Variants in PDAP1 observed in about 807,000 individuals in gnomAD.
PDAP1 encodes PDGFA associated protein 1, also known as 28 kDa heat- and acid-stable phosphoprotein.
Under a neutral mutation model 28.0 loss-of-function variants are expected in PDAP1, and 13 were observed. The observed-to-expected ratio is 0.46, with a 90% CI of 0.30 to 0.74. The LOEUF is 0.74. Among genes scored for constraint, PDAP1 ranks in the 30% least tolerant of loss-of-function variants. The probability of loss-of-function intolerance (pLI) is 0.07; values close to 1 mark genes in which losing one functional copy is unlikely to be tolerated. For synonymous variants in PDAP1, 77 were observed against 85.1 expected, an observed-to-expected ratio of 0.91 and a Z score of 0.52; for missense variants, 150 against 230.0, an observed-to-expected ratio of 0.65 and a Z score of 2.25.
intron 2 of PDAP1, among the ~76,000 whole-genome samples, chr7:99,403,791 C>T (rs1170143088): frequency 5.3e-5 from 8 of 152,190 alleles, no homozygotes; most frequent in African/African-American, 1.9e-4. Context: ...ACGCAGCCAC[C>T]TCAGCAGCCA....
chr7:99,398,494 C>A (rs565471019), intron 4 of PDAP1, among the ~76,000 whole-genome samples: 9 of 152,316 alleles, frequency 5.9e-5, no homozygotes, highest in African/African-American at 2.2e-4. Context: ...AAGTTTGAGA[C>A]CTGCCTGGGC....
At chr7:99,402,878 C>CAAAAAAAAAAAAAAAA (rs543294031) in intron 3 of PDAP1, among the ~76,000 whole-genome samples, 4 of 72,076 alleles carry the variant, frequency 5.5e-5, no homozygotes, top group African/African-American at 1.8e-4. Context: ...CACTTCATCT[C>CAAAAAAAAAAAAAAAA]AAAAAAAAAA....
chr7:99,404,044 G>A (rs1794925542), intron 2 of PDAP1, among the ~76,000 whole-genome samples: 1 of 152,050 alleles, frequency 6.6e-6, no homozygotes, highest in Admixed American at 6.6e-5. Context: ...CACCTTTCTT[G>A]CCTTCCCACC....
chr7:99,405,062 C>T, intron 1 of PDAP1, 109 bp from the exon 2 acceptor site: 2 of 743,460 alleles, frequency 2.7e-6, no homozygotes, highest in Non-Finnish European at 4.5e-6. Context: ...TCACCTACCC[C>T]TCACCCAGCA....
chr7:99,403,591 T>A, intron 2 of PDAP1, 86 bp from the exon 3 acceptor site: 1 of 890,198 alleles, frequency 1.1e-6, no homozygotes, highest in Non-Finnish European at 1.9e-6. Context: ...AGACTGTGGA[T>A]CTTGAGAAAT....
At chr7:99,399,213 G>A (rs577141500) in intron 4 of PDAP1, among the ~76,000 whole-genome samples, 37 of 152,260 alleles carry the variant, frequency 2.4e-4, no homozygotes, top group Non-Finnish European at 4.9e-4. Context: ...AGGGACTCCC[G>A]AGTGGGAAGA....
chr7:99,402,497 T>G (rs1369529056), intron 3 of PDAP1, among the ~76,000 whole-genome samples: 5 of 147,824 alleles, frequency 3.4e-5, no homozygotes, highest in Non-Finnish European at 5.9e-5. Flanking sequence ...TCCCAGCTAC[T>G]TGGAAGGCTG....
intron 1 of PDAP1, among the ~76,000 whole-genome samples, chr7:99,405,383 G>A (rs867695061): frequency 2.0e-4 from 27 of 136,410 alleles, no homozygotes; most frequent in Non-Finnish European, 3.4e-4. Flanking sequence ...TTTTTGAGAC[G>A]GAGTCTCGCT....
chr7:99,406,242 C>G (rs1023188046), intron 1 of PDAP1, among the ~76,000 whole-genome samples: 2 of 151,818 alleles, frequency 1.3e-5, no homozygotes, highest in Non-Finnish European at 1.5e-5. Context: ...AGCGAGACTC[C>G]GTCTCAAAAA....
intron 3 of PDAP1, among the ~76,000 whole-genome samples, chr7:99,401,660 A>G (rs1022587570): frequency 9.3e-5 from 14 of 150,260 alleles, no homozygotes; most frequent in Non-Finnish European, 2.1e-4. Flanking sequence ...CTTACTCTCA[A>G]CATCCTATCA....
rs113663373 is a variant in PDAP1, at chr7:99,396,503, T to TCC, written c.*177_*178dup. On this transcript the variant is annotated 3_prime_UTR_variant, in exon 6 of 6. Transcript: ENST00000350498. The stretch of plus-strand genomic sequence containing the variant: ...AAGATAGCAGCTACCCCTCCCCCAG[T>TCC]CCCCCCCCCCATCCCCCAAACAATT... 17 of 330,692 alleles carry TCC rather than the reference T, an allele frequency of 5.1e-5. No homozygotes were observed. The highest frequency in any genetic ancestry group is 1.1e-4 in the Admixed American group (3 of 26,658). 20.5% of individuals were successfully genotyped at this position (330,692 alleles called of 1,614,324 possible).
intron 1 of PDAP1, among the ~76,000 whole-genome samples, chr7:99,407,974 G>T (rs1364116204): frequency 6.6e-6 from 1 of 152,212 alleles, no homozygotes; most frequent in Non-Finnish European, 1.5e-5. Flanking sequence ...AGTACTAAGA[G>T]GTAGGTACAA....
intron 3 of PDAP1, among the ~76,000 whole-genome samples, chr7:99,401,332 A>ATTTT (rs948230202): frequency 2.0e-5 from 3 of 150,842 alleles, no homozygotes; most frequent in Non-Finnish European, 4.4e-5. Context: ...GCAAGCCACG[A>ATTTT]TTTTTTTTCT....
Position 99,396,356 on chromosome 7 carries a change from CA to C in PDAP1, c.*325del. 1 of 405,812 alleles carries C rather than the reference CA, an allele frequency of 2.5e-6. No individual in the cohort carries two copies. Among genetic ancestry groups the C allele is most frequent in the South Asian group, 2.2e-5 (1 of 46,504 alleles). 25.1% of individuals were successfully genotyped at this position (405,812 alleles called of 1,614,324 possible). ...CCTTACATGCTATCTATCTACCAGA[CA>C]AATGAAAGCTCTTCTTACCCCATCT... On this transcript the variant is annotated 3_prime_UTR_variant, in exon 6 of 6. Transcript: ENST00000350498.
chr7:99,406,551 A>G (rs1158216736), intron 1 of PDAP1: 1 of 984,604 alleles, frequency 1.0e-6, no homozygotes, highest in East Asian at 1.1e-4. Flanking sequence ...TTAAAGTGTC[A>G]GTTTTATAGT....
chr7:99,405,889 G>A (rs1794962553), intron 1 of PDAP1, among the ~76,000 whole-genome samples: 1 of 152,190 alleles, frequency 6.6e-6, no homozygotes, highest in African/African-American at 2.4e-5. Flanking sequence ...TTGTCACAAA[G>A]ATAGATGAAT....
intron 4 of PDAP1, among the ~76,000 whole-genome samples, chr7:99,398,760 AG>A (rs1186264070): frequency 6.6e-6 from 1 of 152,222 alleles, no homozygotes. Flanking sequence ...CACAGGGCAT[AG>A]GATGAGGACC....
intron 4 of PDAP1, among the ~76,000 whole-genome samples, chr7:99,398,650 G>C (rs925282777): frequency 5.9e-5 from 9 of 152,188 alleles, no homozygotes; most frequent in African/African-American, 1.4e-4. Context: ...GCTGCAGTGA[G>C]CTACAATTGC....
chr7:99,394,852 C>A lies in PDAP1; in HGVS notation c.*1830G>T, dbSNP rs1438491853. ...TGGAAGGAGAGGTTTTTTGTTATTT[C>A]CTTGGGGTCTTGCTAAGTTTTCCAG... On this transcript the variant is annotated 3_prime_UTR_variant, in exon 6 of 6. Coordinates refer to ENST00000350498, the MANE Select transcript of PDAP1 (RefSeq NM_014891.7). The A allele has an allele frequency of 2.7e-5, 33 of 1,226,006 alleles. No homozygotes were observed. The highest frequency in any genetic ancestry group is 3.2e-5 in the Non-Finnish European group (31 of 983,010). The allele number at this position is 1,226,006 out of a possible 1,614,324, so 75.9% of individuals were successfully genotyped here. A position where few individuals can be genotyped will look rare whatever the true frequency, so the allele number is the denominator to read the frequency against.
Sources: gnomAD v4.1 joint callset for allele counts (sites outside exome capture counted in the v4.1 genomes callset) on GRCh38, gnomAD v4.1.1 for gene constraint, MANE v1.5 for transcripts, NCBI Gene and HGNC (gene_info 2026-07-23, HGNC 2026-07-21) for gene names.